ALK: variants seen among roughly 807,000 people sequenced by gnomAD.
ALK encodes the protein ALK receptor tyrosine kinase, also known as ALK tyrosine kinase receptor.
ALK carries 74 observed loss-of-function variants against 163.1 expected under a neutral mutation model. The observed-to-expected ratio is 0.45, with a 90% CI of 0.38 to 0.55. The LOEUF is 0.55. Ranked by LOEUF, ALK falls within the 20% of genes least tolerant of loss-of-function variation. The probability of loss-of-function intolerance (pLI) is 0.00; values close to 1 mark genes in which losing one functional copy is unlikely to be tolerated. For missense variants in ALK, 2,063 were observed against 2,105.3 expected, an observed-to-expected ratio of 0.98 and a Z score of 0.39; for synonymous variants, 960 against 843.2, an observed-to-expected ratio of 1.14 and a Z score of -2.40.
chr2:29,581,455 G>A (rs976659283), intron 3 of ALK, among the ~76,000 whole-genome samples: 5 of 152,112 alleles, frequency 3.3e-5, no homozygotes, highest in African/African-American at 1.2e-4. Context: ...CTGCTCAAAG[G>A]GAGGGCCACA....
chr2:29,491,117 A>G (rs1384820361), intron 4 of ALK, among the ~76,000 whole-genome samples: 1 of 152,238 alleles, frequency 6.6e-6, no homozygotes, highest in Non-Finnish European at 1.5e-5. Context: ...TAAGTCCTTA[A>G]TAAACATTAT....
intron 1 of ALK, among the ~76,000 whole-genome samples, chr2:29,864,414 G>A (rs1356503738): frequency 6.6e-6 from 1 of 152,110 alleles, no homozygotes; most frequent in East Asian, 1.9e-4. Context: ...TTCTCTTTCT[G>A]TCACTTGCTT....
At chr2:29,203,378 C>A (rs1370025743) in intron 26 of ALK, among the ~76,000 whole-genome samples, 1 of 150,428 alleles carries the variant, frequency 6.6e-6, no homozygotes, top group Non-Finnish European at 1.5e-5. Flanking sequence ...CAATTTGATG[C>A]CATTTGGATT....
At chr2:29,559,248 A>C (rs945873943) in intron 3 of ALK, among the ~76,000 whole-genome samples, 2 of 152,094 alleles carry the variant, frequency 1.3e-5, no homozygotes, top group Non-Finnish European at 2.9e-5. Context: ...TGGCCTTAGG[A>C]CCCTCACTCT....
intron 1 of ALK, among the ~76,000 whole-genome samples, chr2:29,849,688 G>A (rs978271819): frequency 6.6e-6 from 1 of 152,178 alleles, no homozygotes; most frequent in African/African-American, 2.4e-5. Context: ...AGGCTCTGGA[G>A]GGCAATCTAC....
chr2:29,658,934 A>C (rs1677269399), intron 3 of ALK, among the ~76,000 whole-genome samples: 1 of 152,142 alleles, frequency 6.6e-6, no homozygotes, highest in Non-Finnish European at 1.5e-5. Context: ...ACTTGCATTT[A>C]ATTCAAAATT....
intron 1 of ALK, among the ~76,000 whole-genome samples, chr2:29,835,856 GC>G (rs1278208058): frequency 6.6e-6 from 1 of 152,116 alleles, no homozygotes; most frequent in African/African-American, 2.4e-5. Flanking sequence ...TGATTGTGAG[GC>G]CTCCCCAGCC....
At chr2:29,853,718 C>A (rs997527213) in intron 1 of ALK, among the ~76,000 whole-genome samples, 1 of 152,202 alleles carries the variant, frequency 6.6e-6, no homozygotes, top group African/African-American at 2.4e-5. Flanking sequence ...CTCAGATGGC[C>A]CAGGAGACTT....
At position 29,831,266 on chromosome 2, in the gene ALK, GAAGAAGAAGAAGAA is replaced by G. The variant is rs1558509110; in HGVS notation, c.667+88713_667+88726del. Among the ~76,000 whole-genome samples, 213 of 89,810 alleles carry G rather than the reference GAAGAAGAAGAAGAA, an allele frequency of 2.4e-3. 40 individuals carry two copies. The highest frequency in any genetic ancestry group is 0.013 in the Middle Eastern group (2 of 158). The allele number at this position is 89,810 out of a possible 152,430, so 58.9% of individuals were successfully genotyped here. ...AGAAGAGGAAGAGGAAGAGGAAGAA[GAAGAAGAAGAAGAA>G]GAAGAAGAAGAAGAAGAAGAAGAAG... On this transcript the variant is annotated intron_variant, in intron 1 of 28. Transcript: ENST00000389048.
chr2:29,689,854 T>A lies in ALK; in HGVS notation c.952+4996A>T, dbSNP rs151138197. On this transcript the variant is annotated intron_variant, in intron 3 of 28. Coordinates refer to ENST00000389048, the MANE Select transcript of ALK (RefSeq NM_004304.5). ...AGGACACAGGAGGTATGCCATGTGA[T>A]GACAGAGGAAGAGTTTGGAGTGAGA... Among the ~76,000 whole-genome samples, 263 of 152,284 alleles carry A rather than the reference T, an allele frequency of 1.7e-3. 2 individuals carry two copies. The highest frequency in any genetic ancestry group is 6.0e-3 in the African/African-American group (250 of 41,556).
chr2:29,224,682 A>G (rs1474791735), intron 19 of ALK: 3 of 221,514 alleles, frequency 1.4e-5, no homozygotes, highest in African/African-American at 6.7e-5. Flanking sequence ...GGGTTACCTG[A>G]GGATCGAATG....
intron 19 of ALK, 146 bp from the exon 20 acceptor site, chr2:29,223,674 A>AAAT (rs1483422216): frequency 1.4e-6 from 1 of 699,342 alleles, no homozygotes; most frequent in Non-Finnish European, 2.4e-6. Context: ...AATACTAATA[A>AAAT]AATGATTAAA....
intron 9 of ALK, among the ~76,000 whole-genome samples, chr2:29,279,585 C>T (rs2148218247): frequency 6.6e-6 from 1 of 152,202 alleles, no homozygotes; most frequent in Non-Finnish European, 1.5e-5. Context: ...GATGTGCTGG[C>T]CCAGAGACAG....
intron 4 of ALK, among the ~76,000 whole-genome samples, chr2:29,420,360 C>T (rs547531465): frequency 1.6e-4 from 24 of 151,540 alleles, no homozygotes; most frequent in East Asian, 3.9e-4. Context: ...GTTTTAAATG[C>T]TACTTAGAAT....
At chr2:29,668,811 G>C (rs192766085) in intron 3 of ALK, among the ~76,000 whole-genome samples, 2 of 152,244 alleles carry the variant, frequency 1.3e-5, no homozygotes, top group Non-Finnish European at 1.5e-5. Flanking sequence ...AGTTTCACAT[G>C]GCTGCGGAGA....
intron 1 of ALK, among the ~76,000 whole-genome samples, chr2:29,750,630 G>GGGAAGGAAGGAAGGAAGGAA (rs1189354098): frequency 4.2e-5 from 3 of 71,900 alleles, no homozygotes; most frequent in East Asian, 4.5e-4. Flanking sequence ...GGAACAGAAT[G>GGGAAGGAAGGAAGGAAGGAA]GGAAGGAAGG....
intron 1 of ALK, among the ~76,000 whole-genome samples, chr2:29,771,406 T>C (rs961105443): frequency 6.6e-6 from 1 of 152,168 alleles, no homozygotes; most frequent in Non-Finnish European, 1.5e-5. Flanking sequence ...AGATAAAACA[T>C]ACCCCTTCCA....
At chr2:29,222,820 A>G (rs890056862) in intron 20 of ALK, among the ~76,000 whole-genome samples, 2 of 152,204 alleles carry the variant, frequency 1.3e-5, no homozygotes, top group African/African-American at 4.8e-5. Context: ...GATTCCAACC[A>G]GGGACTCATG....
chr2:29,443,845 C>A (rs1271694693), intron 4 of ALK, among the ~76,000 whole-genome samples: 1 of 152,192 alleles, frequency 6.6e-6, no homozygotes, highest in Non-Finnish European at 1.5e-5. Flanking sequence ...ATGCCCCAGG[C>A]ACTCTGAGAG....
Sources: gnomAD v4.1 joint callset for allele counts (sites outside exome capture counted in the v4.1 genomes callset) on GRCh38, gnomAD v4.1.1 for gene constraint, MANE v1.5 for transcripts, NCBI Gene and HGNC (gene_info 2026-07-23, HGNC 2026-07-21) for gene names.